Variants in SEC31A observed in about 807,000 individuals in gnomAD.
SEC31A encodes SEC31 homolog A, COPII component.
SEC31A carries 70 observed loss-of-function variants against 151.0 expected under a neutral mutation model. The ratio of observed to expected loss-of-function variants is 0.46; its 90% CI spans 0.38 to 0.57. SEC31A has a LOEUF of 0.57. SEC31A is among the 20% of genes least tolerant of loss of function. The pLI, the probability that SEC31A is intolerant of heterozygous loss-of-function variation, is 0.00. For missense variants in SEC31A, 1,330 were observed against 1,471.2 expected, an observed-to-expected ratio of 0.90 and a Z score of 1.57; for synonymous variants, 475 against 505.9, an observed-to-expected ratio of 0.94 and a Z score of 0.82.
Position 82,867,250 on chromosome 4 carries a change from C to T in SEC31A, c.949G>A (p.Ala317Thr), listed in dbSNP as rs773814522. The change falls in exon 9 of 27, where the codon GCT (alanine) becomes ACT (threonine). Residue 317 changes from alanine (A) to threonine (T), a missense_variant. Transcript: ENST00000395310. ...FDIQWCPRNP[A>T]VLSAASFDGR... Reference sequence around the variant, plus strand: ...TCAAACGAAGCAGCTGATAAGACAGCAGGATTTCGGGGACACCACTGAATA... The same window carrying T: ...TCAAACGAAGCAGCTGATAAGACAGTAGGATTTCGGGGACACCACTGAATA... 1.1e-5 allele frequency: 18 copies of T among 1,614,014 alleles called. No homozygotes were observed. Among genetic ancestry groups the T allele is most frequent in the Non-Finnish European group, 8.5e-7 (1 of 1,180,004 alleles).
intron 23 of SEC31A, 66 bp from the exon 24 acceptor site, chr4:82,827,698 C>A (rs752077611): frequency 6.3e-5 from 97 of 1,542,426 alleles, no homozygotes; most frequent in Non-Finnish European, 8.3e-5. Flanking sequence ...ATTTCTTCAG[C>A]TTAAAATAAG....
At chr4:82,823,034 G>T (rs567787628) in intron 25 of SEC31A, among the ~76,000 whole-genome samples, 1 of 152,242 alleles carries the variant, frequency 6.6e-6, no homozygotes, top group South Asian at 2.1e-4. Flanking sequence ...TACCCCAAGG[G>T]GGCAAGGGCA....
Position 82,831,651 on chromosome 4 carries a change from C to A in SEC31A, c.2969-2593G>T, listed in dbSNP as rs1034775197. 2.0e-5 allele frequency among the ~76,000 whole-genome samples: 3 copies of A among 152,166 alleles called. No individual in the cohort carries two copies. In the South Asian group the frequency reaches 6.2e-4, roughly 32 times the overall value. ...AGCACAGTGGTATCATTTTTCACTG[C>A]TGGATTTAGGAGGCCCCAGTGGTCT... On this transcript the variant is annotated intron_variant, in intron 22 of 26. Coordinates refer to ENST00000395310, the MANE Select transcript of SEC31A (RefSeq NM_001077207.4).
At chr4:82,823,876 T>A (rs1285874882) in intron 25 of SEC31A, among the ~76,000 whole-genome samples, 1 of 152,186 alleles carries the variant, frequency 6.6e-6, no homozygotes, top group Non-Finnish European at 1.5e-5. Flanking sequence ...ACAGTTTTGT[T>A]GATGAGAGGC....
At position 82,819,002 on chromosome 4, in the gene SEC31A, G is replaced by T; in HGVS notation, c.*72C>A. On this transcript the variant is annotated 3_prime_UTR_variant, in exon 27 of 27. Coordinates refer to ENST00000395310, the MANE Select transcript of SEC31A (RefSeq NM_001077207.4). ...AACATGCTAATGAGGACTAGTCCAT[G>T]TCTTATAATTTTTTTTTTTAACATG... The T allele has an allele frequency of 7.6e-7, 1 of 1,310,896 alleles. No homozygotes were observed. The highest frequency in any genetic ancestry group is 1.0e-6 in the Non-Finnish European group (1 of 952,390). 81.2% of individuals were successfully genotyped at this position (1,310,896 alleles called of 1,614,324 possible).
At chr4:82,880,417 C>A (rs1413637224) in intron 3 of SEC31A, among the ~76,000 whole-genome samples, 1 of 151,420 alleles carries the variant, frequency 6.6e-6, no homozygotes, top group Non-Finnish European at 1.5e-5. Flanking sequence ...TGGCAAAACC[C>A]TGTCGCTACT....
At chr4:82,896,087 T>C (rs568977745), upstream of SEC31A, among the ~76,000 whole-genome samples, 2 of 152,374 alleles carry the variant, frequency 1.3e-5, no homozygotes, top group South Asian at 2.1e-4. Context: ...TATCACTGTA[T>C]TGACTTTGTT....
chr4:82,834,506 A>T (rs1045581030), intron 22 of SEC31A, among the ~76,000 whole-genome samples: 1 of 152,204 alleles, frequency 6.6e-6, no homozygotes, highest in African/African-American at 2.4e-5. Context: ...ATTCTAAATT[A>T]GGGGTAAAAC....
rs1411246199 is a variant in SEC31A, at chr4:82,862,620, A to G, written c.1510-48T>C. The G allele has an allele frequency of 6.5e-6, 10 of 1,530,044 alleles. No individual in the cohort carries two copies. The Admixed American group carries it at 1.7e-4, about 26-fold the overall frequency. 94.8% of individuals were successfully genotyped at this position (1,530,044 alleles called of 1,614,324 possible). A position where few individuals can be genotyped will look rare whatever the true frequency, so the allele number is the denominator to read the frequency against. On this transcript the variant is annotated intron_variant, in intron 12 of 26. Transcript: ENST00000395310. The stretch of plus-strand genomic sequence containing the variant: ...CCTACTACATGGAATTCTATTTCAG[A>G]GCATCCAGCAAATGTTCACCTCTTG...
At chr4:82,879,366 T>G (rs1390926790) in intron 3 of SEC31A, among the ~76,000 whole-genome samples, 1 of 71,824 alleles carries the variant, frequency 1.4e-5, no homozygotes, top group Non-Finnish European at 3.1e-5. Context: ...CTTTGACCTT[T>G]GTCTGAAAAA....
intron 14 of SEC31A, 47 bp downstream of exon 14, chr4:82,861,584 C>T: frequency 7.8e-7 from 1 of 1,278,494 alleles, no homozygotes; most frequent in Non-Finnish European, 1.1e-6. Context: ...GTGAGATACA[C>T]AAATATCACA....
chr4:82,892,338 TC>T (rs1719850084), upstream of SEC31A, among the ~76,000 whole-genome samples: 1 of 152,244 alleles, frequency 6.6e-6, no homozygotes. Context: ...AGCTTTCTGT[TC>T]CTAGTGCAAT....
chr4:82,852,969 G>A (rs1466396732), intron 18 of SEC31A, among the ~76,000 whole-genome samples: 2 of 152,162 alleles, frequency 1.3e-5, no homozygotes, highest in African/African-American at 4.8e-5. Context: ...GCCCACATAA[G>A]GGTTCGTGCT....
intron 7 of SEC31A, 75 bp downstream of exon 7, chr4:82,871,861 ATGGTGTAT>A (rs1736751123): frequency 6.3e-7 from 1 of 1,581,632 alleles, no homozygotes; most frequent in Admixed American, 1.7e-5. Context: ...CCTGTGTCCT[ATGGTGTAT>A]TTCTGGTCAC....
chr4:82,827,431 G>C lies in SEC31A; in HGVS notation c.3229C>G (p.Pro1077Ala). 1.9e-6 allele frequency: 3 copies of C among 1,614,214 alleles called. No homozygotes were observed. Among genetic ancestry groups the C allele is most frequent in the Non-Finnish European group, 2.5e-6 (3 of 1,180,028 alleles). ...QQPLGQTGMP[P>A]SFSKPNIEGA... is the part of the protein sequence containing the mutation. ...TCAATATTGGGCTTTGAAAAAGATG[G>C]TGGCATGCCTGTTTGACCAAGAGGT... Residue 1077 changes from proline to alanine, a missense_variant, in exon 24 of 27, where the codon CCA becomes GCA. Transcript: ENST00000395310.
intron 7 of SEC31A, chr4:82,871,620 A>G: frequency 1.8e-6 from 1 of 548,906 alleles, no homozygotes; most frequent in Non-Finnish European, 3.2e-6. Flanking sequence ...TACTAAAACT[A>G]TGAAAATTAG....
chr4:82,879,384 A>AGGG (rs1553936024), intron 3 of SEC31A, among the ~76,000 whole-genome samples: 1 of 149,736 alleles, frequency 6.7e-6, no homozygotes, highest in South Asian at 2.1e-4. Context: ...AAAAAAAAAA[A>AGGG]GGGGGGGTCA....
rs767918022 is a variant in SEC31A, at chr4:82,874,736, T to G, written c.514A>C (p.Ser172Arg). The G allele has an allele frequency of 6.2e-7, 1 of 1,607,772 alleles. No homozygotes were observed. The highest frequency in any genetic ancestry group is 2.2e-5 in the East Asian group (1 of 44,682). The stretch of plus-strand genomic sequence containing the variant: ...ACTTGTCTGTTCCATGCAATGCAGC[T>G]GATATCTTCTGGCGGCTACAAGGAA... ...GAKTQPPEDI[S>R]CIAWNRQVQH... Residue 172 changes from serine (S) to arginine (R), a missense_variant, in exon 6 of 27, where the codon AGC becomes CGC. Physicochemically the swap from Ser to Arg is moderately radical, Grantham distance 110. Coordinates refer to ENST00000395310, the MANE Select transcript of SEC31A (RefSeq NM_001077207.4).
intron 20 of SEC31A, 28 bp downstream of exon 20, chr4:82,848,775 TC>T (rs1730789412): frequency 1.3e-6 from 2 of 1,570,000 alleles, no homozygotes; most frequent in African/African-American, 2.7e-5. Context: ...ACAAAAGTGT[TC>T]CTACTTCATC....
Sources: gnomAD v4.1 joint callset for allele counts (sites outside exome capture counted in the v4.1 genomes callset) on GRCh38, gnomAD v4.1.1 for gene constraint, MANE v1.5 for transcripts, NCBI Gene and HGNC (gene_info 2026-07-23, HGNC 2026-07-21) for gene names.